The following RHBG variants were observed in gnomAD, a reference collection of about 807,000 sequenced individuals.
RHBG encodes Rh family B glycoprotein.
A neutral mutation model predicts 40.1 loss-of-function variants in RHBG; 39 were observed. The ratio of observed to expected loss-of-function variants is 0.97; its 90% CI spans 0.75 to 1.27. RHBG has a LOEUF of 1.27. Among genes scored for constraint, RHBG ranks in the 50% most tolerant of loss-of-function variants. RHBG has a pLI of 0.00. For missense variants in RHBG, 549 were observed against 588.1 expected, an observed-to-expected ratio of 0.93 and a Z score of 0.69; for synonymous variants, 237 against 252.5, an observed-to-expected ratio of 0.94 and a Z score of 0.58.
At chr1:156,384,754 C>G (rs779160963) in intron 9 of RHBG, 23 bp from the exon 10 acceptor site, 3 of 1,612,700 alleles carry the variant, frequency 1.9e-6, no homozygotes, top group Admixed American at 1.7e-5. Flanking sequence ...ACCCTTTCAC[C>G]TCTACCCACT....
rs1179429819 is a variant in RHBG, at chr1:156,379,141, C to T, written c.673+742C>T. ...TCCCGAGTAGCTGGGATTACAGGCGCGTGCCACCACACCCAGCTAATTTTT... is the reference window on the plus strand; with the variant it reads ...TCCCGAGTAGCTGGGATTACAGGCGTGTGCCACCACACCCAGCTAATTTTT... On this transcript the variant is annotated intron_variant, in intron 4 of 9. Transcript: ENST00000537040. Among the ~76,000 whole-genome samples, 8 of 151,880 alleles carry T rather than the reference C, an allele frequency of 5.3e-5. No individual in the cohort carries two copies. In the South Asian group the frequency reaches 8.3e-4, roughly 16 times the overall value.
chr1:156,374,748 G>C (rs1382061544), intron 1 of RHBG: 1 of 285,996 alleles, frequency 3.5e-6, no homozygotes, highest in Non-Finnish European at 6.9e-6. Flanking sequence ...CACCACACCT[G>C]GCTTATTTTG....
chr1:156,382,094 C>G lies in RHBG; in HGVS notation c.1005C>G (p.Val335=). Residue 335 remains valine, a synonymous_variant, in exon 7 of 10, where the codon GTC becomes GTG. Coordinates refer to ENST00000537040, the MANE Select transcript of RHBG (RefSeq NM_020407.5). ...CCATCCTTGAATCAAAATTCAAAGTCCAAGACACATGTGGAGTCCACAACC... is the reference window on the plus strand; with the variant it reads ...CCATCCTTGAATCAAAATTCAAAGTGCAAGACACATGTGGAGTCCACAACC... ...FTPILESKFK[V]QDTCGVHNLH... The G allele has an allele frequency of 6.2e-7, 1 of 1,612,842 alleles. No homozygotes were observed. The highest frequency in any genetic ancestry group is 1.1e-5 in the South Asian group (1 of 91,052).
intron 1 of RHBG, chr1:156,371,490 A>G (rs1270296838): frequency 9.5e-6 from 2 of 209,872 alleles, no homozygotes; most frequent in Non-Finnish European, 1.9e-5. Flanking sequence ...TGCAGAGCTC[A>G]TCAGCAGGCT....
Position 156,378,089 on chromosome 1 carries a change from G to A in RHBG, c.474G>A (p.Leu158=). 1 of 1,612,294 alleles carries A rather than the reference G, an allele frequency of 6.2e-7. No homozygotes were observed. Among genetic ancestry groups the A allele is most frequent in the African/African-American group, 1.3e-5 (1 of 75,004 alleles). The change falls in exon 3 of 10, where the codon CTG becomes CTA. Residue 158 remains leucine (L), a synonymous_variant. Coordinates refer to ENST00000537040, the MANE Select transcript of RHBG (RefSeq NM_020407.5). ...GPTQLLLMAL[L]EVVLFGINEF... ...CCCAGCTGCTGCTCATGGCCCTGCT[G>A]GAGGTGGTGCTGTTTGGCATCAATG...
At chr1:156,379,386 A>AT (rs929404316) in intron 4 of RHBG, among the ~76,000 whole-genome samples, 3 of 151,408 alleles carry the variant, frequency 2.0e-5, no homozygotes, top group Non-Finnish European at 2.9e-5. Context: ...TGTATTTTTA[A>AT]TTTTTTTTTC....
intron 4 of RHBG, 93 bp from the exon 5 acceptor site, chr1:156,381,254 T>G: frequency 3.1e-5 from 40 of 1,299,824 alleles, no homozygotes; most frequent in Non-Finnish European, 3.6e-5. Flanking sequence ...CTGAGGCTGC[T>G]GAGGGTAGGT....
rs372834189 is a variant in RHBG, at chr1:156,382,200, G to A, written c.1111G>A (p.Gly371Ser). 5.0e-6 allele frequency: 8 copies of A among 1,613,984 alleles called. No individual in the cohort carries two copies. The highest frequency in any genetic ancestry group is 2.2e-5 in the East Asian group (1 of 44,884). Reference sequence around the variant, plus strand: ...TGCCACCCATGAAGCTTACGGAGATGGGTGAGTTTCCTCCCAACCCGTACT... The same window carrying A: ...TGCCACCCATGAAGCTTACGGAGATAGGTGAGTTTCCTCCCAACCCGTACT... ...GLATHEAYGD[G>S]LESVFPLIAE... The change falls in exon 7 of 10, where the codon GGC becomes AGC. Residue 371 changes from glycine to serine, a missense_variant and splice_region_variant. This residue lies in a region of RHBG where 399 missense variants were observed against 417.0 expected (regional missense o/e 0.96). Transcript: ENST00000537040.
chr1:156,373,025 A>C (rs930725339), intron 1 of RHBG, among the ~76,000 whole-genome samples: 1 of 152,138 alleles, frequency 6.6e-6, no homozygotes, highest in Non-Finnish European at 1.5e-5. Flanking sequence ...CTTCTCCCAT[A>C]ATCTTGTCTG....
chr1:156,384,508 C>A lies in RHBG; in HGVS notation c.1235-19C>A. The A allele has an allele frequency of 1.2e-6, 2 of 1,611,878 alleles. No homozygotes were observed. Among genetic ancestry groups the A allele is most frequent in the Non-Finnish European group, 1.7e-6 (2 of 1,178,276 alleles). On this transcript the variant is annotated intron_variant, in intron 8 of 9. Coordinates refer to ENST00000537040, the MANE Select transcript of RHBG (RefSeq NM_020407.5). Reference sequence around the variant, plus strand: ...TGGGGGGCAGAGAAGCCTCACAGATCCTCCCCTACCACCACCAGGGCTCCT... The same window carrying A: ...TGGGGGGCAGAGAAGCCTCACAGATACTCCCCTACCACCACCAGGGCTCCT...
At position 156,382,857 on chromosome 1, in the gene RHBG, G is replaced by C. The variant is rs151015551; in HGVS notation, c.1222G>C (p.Gly408Arg). The C allele has an allele frequency of 1.4e-3, 2,201 of 1,614,156 alleles. 8 individuals carry two copies. The highest frequency in any genetic ancestry group is 1.7e-3 in the Non-Finnish European group (2,012 of 1,179,982). ...CACACTGATGTTTGCCTCTGTGGGC[G>C]GGGGCCTTGGAGGTGAGTAACCTTG... ...FVTLMFASVG[G>R]GLGGLLLKLP... Residue 408 changes from glycine (G) to arginine (R), a missense_variant, in exon 8 of 10, where the codon GGG (glycine) becomes CGG (arginine). Transcript: ENST00000537040.
At chr1:156,383,080 C>T (rs533302204) in intron 8 of RHBG, among the ~76,000 whole-genome samples, 5 of 152,286 alleles carry the variant, frequency 3.3e-5, no homozygotes, top group Non-Finnish European at 5.9e-5. Context: ...GGGGAGTCCG[C>T]GAGGGGTGAG....
At chr1:156,383,473 G>A (rs541626525) in intron 8 of RHBG, among the ~76,000 whole-genome samples, 8 of 152,174 alleles carry the variant, frequency 5.3e-5, no homozygotes, top group East Asian at 1.9e-4. Context: ...ACGGGGTTTC[G>A]CCATGTTGGC....
chr1:156,369,241 G>A lies in RHBG; in HGVS notation c.-9G>A. 3.7e-6 allele frequency: 6 copies of A among 1,611,426 alleles called. No individual in the cohort carries two copies. Among genetic ancestry groups the A allele is most frequent in the Non-Finnish European group, 5.1e-6 (6 of 1,179,202 alleles). ...CCTGCGAGCGCCAGCCGAGATCGCA[G>A]CCCAACCCATGGCCGGGTCTCCTAG... On this transcript the variant is annotated 5_prime_UTR_variant, in exon 1 of 10. Transcript: ENST00000537040.
At chr1:156,379,317 T>A (rs757172726) in intron 4 of RHBG, among the ~76,000 whole-genome samples, 1 of 152,190 alleles carries the variant, frequency 6.6e-6, no homozygotes, top group South Asian at 2.1e-4. Flanking sequence ...CTTCTAAGCA[T>A]GTGCCTCCAC....
intron 1 of RHBG, among the ~76,000 whole-genome samples, chr1:156,372,953 G>C (rs568771517): frequency 6.6e-6 from 1 of 152,224 alleles, no homozygotes; most frequent in South Asian, 2.1e-4. Flanking sequence ...CACCACGCCC[G>C]GCCAGACTTA....
chr1:156,372,299 C>T (rs1055590983), intron 1 of RHBG, among the ~76,000 whole-genome samples: 3 of 152,152 alleles, frequency 2.0e-5, no homozygotes, highest in Non-Finnish European at 4.4e-5. Flanking sequence ...ACAGAAGGAG[C>T]CAGGCTAGAA....
chr1:156,376,456 T>C (rs1667207179), intron 1 of RHBG, among the ~76,000 whole-genome samples: 1 of 151,690 alleles, frequency 6.6e-6, no homozygotes, highest in Admixed American at 6.6e-5. Flanking sequence ...GTCTGCCTCC[T>C]GGGTTCAGGC....
chr1:156,382,467 C>T, intron 7 of RHBG: 1 of 627,026 alleles, frequency 1.6e-6, no homozygotes, highest in South Asian at 1.9e-5. Context: ...CCTTTAGGAT[C>T]TATTTTTGCA....
Sources: gnomAD v4.1 joint callset for allele counts (sites outside exome capture counted in the v4.1 genomes callset) on GRCh38, gnomAD v4.1.1 for gene constraint, gnomAD v4.1.1 regional missense constraint, MANE v1.5 for transcripts, NCBI Gene and HGNC (gene_info 2026-07-23, HGNC 2026-07-21) for gene names.